TBC1D22A: variants seen among roughly 807,000 people sequenced by gnomAD.
TBC1D22A encodes TBC1 domain family member 22A.
TBC1D22A carries 38 observed loss-of-function variants against 60.2 expected under a neutral mutation model. The ratio of observed to expected loss-of-function variants is 0.63; its 90% CI spans 0.49 to 0.83. The LOEUF (loss-of-function observed/expected upper bound fraction) is 0.83. Ranked by LOEUF, TBC1D22A falls within the 40% of genes least tolerant of loss-of-function variation. TBC1D22A has a pLI of 0.00. For missense variants in TBC1D22A, 628 were observed against 701.0 expected, an observed-to-expected ratio of 0.90 and a Z score of 1.18; for synonymous variants, 302 against 281.7, an observed-to-expected ratio of 1.07 and a Z score of -0.72.
chr22:47,159,474 A>G (rs1213113264), intron 12 of TBC1D22A, among the ~76,000 whole-genome samples: 1 of 151,846 alleles, frequency 6.6e-6, no homozygotes, highest in Non-Finnish European at 1.5e-5. Flanking sequence ...CCCACATGCC[A>G]TGTAAACACA....
At chr22:46,916,349 G>T (rs543976457) in intron 8 of TBC1D22A, among the ~76,000 whole-genome samples, 2 of 152,320 alleles carry the variant, frequency 1.3e-5, no homozygotes, top group South Asian at 4.1e-4. Flanking sequence ...GTTAGGGTTC[G>T]ATGGGTCTCC....
intron 6 of TBC1D22A, among the ~76,000 whole-genome samples, chr22:46,891,930 T>C (rs1340085107): frequency 1.3e-5 from 2 of 152,234 alleles, no homozygotes; most frequent in Non-Finnish European, 2.9e-5. Flanking sequence ...AGTTACCATT[T>C]TGTGATTTAG....
intron 9 of TBC1D22A, among the ~76,000 whole-genome samples, chr22:46,977,687 A>T (rs918181049): frequency 6.6e-6 from 1 of 152,234 alleles, no homozygotes; most frequent in Non-Finnish European, 1.5e-5. Context: ...CTGTACAGGA[A>T]TCATAGCTGA....
In TBC1D22A at chr22:46,972,099, A is replaced by G. The variant is rs952490636; in HGVS notation, c.1016-2191A>G. 3.0e-4 allele frequency among the ~76,000 whole-genome samples: 45 copies of G among 152,300 alleles called. 1 individual carries two copies. The highest frequency in any genetic ancestry group is 9.1e-4 in the African/African-American group (38 of 41,556). ...GGGACCTGCCTTTTAGGGTGAAAAC[A>G]TGGGCCAAGAGAGTGAGGGCCTGGT... is the stretch of plus-strand genomic sequence containing the variant. On this transcript the variant is annotated intron_variant, in intron 8 of 12. Transcript: ENST00000337137.
chr22:46,912,213 CG>C (rs2069981297), intron 8 of TBC1D22A, 25 bp downstream of exon 8: 1 of 1,560,576 alleles, frequency 6.4e-7, no homozygotes, highest in Admixed American at 1.7e-5. Flanking sequence ...AAACATTAAA[CG>C]TGAACTTTAG....
At chr22:47,148,655 CTGGGGT>C (rs2067379082) in intron 12 of TBC1D22A, among the ~76,000 whole-genome samples, 1 of 146,592 alleles carries the variant, frequency 6.8e-6, no homozygotes, top group African/African-American at 2.6e-5. Context: ...GGTTCCTCTC[CTGGGGT>C]CCGTTCCTCT....
At chr22:46,981,594 T>C (rs2074514128) in intron 9 of TBC1D22A, among the ~76,000 whole-genome samples, 1 of 152,322 alleles carries the variant, frequency 6.6e-6, no homozygotes, top group East Asian at 1.9e-4. Context: ...CTGACTGTTT[T>C]ATAAGGGGCT....
chr22:47,094,710 C>T (rs544038630), intron 11 of TBC1D22A, among the ~76,000 whole-genome samples: 41 of 152,180 alleles, frequency 2.7e-4, no homozygotes, highest in Non-Finnish European at 5.7e-4. Context: ...ATGTCTTTCT[C>T]TTATACTATA....
chr22:47,094,620 T>C lies in TBC1D22A; in HGVS notation c.1330-16888T>C, dbSNP rs187926870. On this transcript the variant is annotated intron_variant, in intron 11 of 12. Transcript: ENST00000337137. ...ATATGTACATACGTCCTGTCGGTTC[T>C]GTTTCTCTGGAGAACCATGACTGAT... Among the ~76,000 whole-genome samples the C allele has an allele frequency of 5.4e-4, 83 of 152,386 alleles. 1 individual carries two copies. The highest frequency in any genetic ancestry group is 7.9e-4 in the Non-Finnish European group (54 of 68,042).
At chr22:47,016,883 C>T (rs937316836) in intron 10 of TBC1D22A, among the ~76,000 whole-genome samples, 4 of 146,744 alleles carry the variant, frequency 2.7e-5, no homozygotes, top group Non-Finnish European at 5.9e-5. Context: ...GAGTCCTGGG[C>T]CAGGTTCTTG....
At chr22:47,069,423 G>A (rs994018119) in intron 11 of TBC1D22A, among the ~76,000 whole-genome samples, 1 of 152,222 alleles carries the variant, frequency 6.6e-6, no homozygotes, top group Non-Finnish European at 1.5e-5. Context: ...TTAACGGAAC[G>A]TGCTTCCACT....
intron 10 of TBC1D22A, among the ~76,000 whole-genome samples, chr22:47,036,834 A>G (rs1396157726): frequency 6.6e-6 from 1 of 152,220 alleles, no homozygotes; most frequent in East Asian, 1.9e-4. Context: ...GAACATGTCC[A>G]TGATTATAAT....
At chr22:47,156,307 C>T (rs2067715530) in intron 12 of TBC1D22A, among the ~76,000 whole-genome samples, 1 of 152,196 alleles carries the variant, frequency 6.6e-6, no homozygotes. Context: ...AGTAGGGACA[C>T]ATTTAGTGGG....
intron 12 of TBC1D22A, among the ~76,000 whole-genome samples, chr22:47,130,193 C>T (rs2066631890): frequency 6.6e-6 from 1 of 152,202 alleles, no homozygotes; most frequent in Admixed American, 6.5e-5. Context: ...ACCACCCACT[C>T]CCTCCCTCCC....
At chr22:47,080,927 C>A (rs1227752766) in intron 11 of TBC1D22A, among the ~76,000 whole-genome samples, 1 of 152,010 alleles carries the variant, frequency 6.6e-6, no homozygotes, top group Non-Finnish European at 1.5e-5. Context: ...TCGAGACCAG[C>A]CTGACCAACA....
intron 5 of TBC1D22A, among the ~76,000 whole-genome samples, chr22:46,883,669 C>T (rs1569171111): frequency 1.3e-5 from 2 of 152,236 alleles, no homozygotes; most frequent in Non-Finnish European, 1.5e-5. Flanking sequence ...AGGCTGCCTA[C>T]ACCACGGCCT....
chr22:47,130,236 G>A (rs1459467547), intron 12 of TBC1D22A, among the ~76,000 whole-genome samples: 1 of 152,162 alleles, frequency 6.6e-6, no homozygotes, highest in Admixed American at 6.5e-5. Flanking sequence ...GGCGTGTCTG[G>A]AGGAGCAGGC....
At chr22:46,892,652 A>G (rs1384752681) in intron 6 of TBC1D22A, among the ~76,000 whole-genome samples, 1 of 152,254 alleles carries the variant, frequency 6.6e-6, no homozygotes, top group Non-Finnish European at 1.5e-5. Flanking sequence ...TAGGAAATTG[A>G]TAAATTTGGC....
chr22:47,098,630 C>T (rs552709211), intron 11 of TBC1D22A, among the ~76,000 whole-genome samples: 1 of 151,910 alleles, frequency 6.6e-6, no homozygotes, highest in Non-Finnish European at 1.5e-5. Flanking sequence ...ATGCACCAGG[C>T]TGCCCTGGGG....
Sources: gnomAD v4.1 joint callset for allele counts (sites outside exome capture counted in the v4.1 genomes callset) on GRCh38, gnomAD v4.1.1 for gene constraint, MANE v1.5 for transcripts, NCBI Gene and HGNC (gene_info 2026-07-23, HGNC 2026-07-21) for gene names.